SEMA3A: variants seen among roughly 807,000 people sequenced by gnomAD.
The protein encoded by SEMA3A is semaphorin-3A.
A neutral mutation model predicts 97.9 loss-of-function variants in SEMA3A; 29 were observed. That is an observed-to-expected ratio of 0.30 (90% CI 0.22 to 0.40). The LOEUF is 0.40. SEMA3A is among the 10% of genes least tolerant of loss of function. SEMA3A has a pLI of 1.00. For synonymous variants in SEMA3A, 321 were observed against 323.7 expected (o/e 0.99, Z 0.09); for missense variants, 763 against 951.3 (o/e 0.80, Z 2.60).
intron 1 of SEMA3A, among the ~76,000 whole-genome samples, chr7:84,405,080 A>T (rs1804037840): frequency 6.6e-6 from 1 of 152,214 alleles, no homozygotes; most frequent in Non-Finnish European, 1.5e-5. Flanking sequence ...AAATGCTCCA[A>T]TTAAAAGGCA....
intron 3 of SEMA3A, among the ~76,000 whole-genome samples, chr7:84,298,735 T>G (rs1385183813): frequency 6.6e-6 from 1 of 152,196 alleles, no homozygotes; most frequent in Admixed American, 6.5e-5. Flanking sequence ...GAGGGTCAAC[T>G]TGATTGGCTT....
intron 3 of SEMA3A, among the ~76,000 whole-genome samples, chr7:84,205,474 A>G (rs1482647419): frequency 6.6e-6 from 1 of 152,216 alleles, no homozygotes; most frequent in East Asian, 1.9e-4. Context: ...AGTTTCTCAG[A>G]TCTGCAAATA....
chr7:84,338,848 G>C (rs942243639), intron 2 of SEMA3A, among the ~76,000 whole-genome samples: 3 of 152,178 alleles, frequency 2.0e-5, no homozygotes, highest in African/African-American at 4.8e-5. Flanking sequence ...AAAGTTTTAA[G>C]TATTAAGTGA....
intron 5 of SEMA3A, among the ~76,000 whole-genome samples, chr7:84,059,055 C>A (rs1793110749): frequency 6.6e-6 from 1 of 152,054 alleles, no homozygotes; most frequent in African/African-American, 2.4e-5. Context: ...TTAAGGAATA[C>A]CTATCCTTTT....
chr7:84,430,726 C>A (rs190925585), intron 1 of SEMA3A, among the ~76,000 whole-genome samples: 12 of 151,770 alleles, frequency 7.9e-5, no homozygotes, highest in Admixed American at 2.6e-4. Context: ...AATATAAGTT[C>A]AAGGTGAAGA....
intron 2 of SEMA3A, among the ~76,000 whole-genome samples, chr7:84,361,549 A>G (rs569415093): frequency 1.3e-5 from 2 of 152,130 alleles, no homozygotes; most frequent in Non-Finnish European, 2.9e-5. Flanking sequence ...ATATAAAGCA[A>G]TATTCTATTG....
At chr7:84,180,654 G>C (rs1986177) in intron 1 of SEMA3A, among the ~76,000 whole-genome samples, 97,427 of 151,950 alleles carry the variant, frequency 0.64, 31,478 homozygotes, top group East Asian at 0.76. Context: ...TGCCACTGCA[G>C]TCCAGCCTGG....
chr7:84,004,381 A>C (rs1299026540), intron 11 of SEMA3A, among the ~76,000 whole-genome samples: 1 of 152,164 alleles, frequency 6.6e-6, no homozygotes, highest in Non-Finnish European at 1.5e-5. Flanking sequence ...GTCCATAGAA[A>C]TGTATCTAAG....
Position 84,051,049 on chromosome 7 carries a change from G to T in SEMA3A, c.548-4606C>A, listed in dbSNP as rs536630255. Among the ~76,000 whole-genome samples, 3 of 151,792 alleles carry T rather than the reference G, an allele frequency of 2.0e-5. No homozygotes were observed. In the East Asian group the frequency reaches 5.8e-4, roughly 29 times the overall value. ...ATGTGGCATTATTTCGGAGGGCTCTGTTCTGTTCCATTGATCTATATCTCT... is the reference window on the plus strand; with the variant it reads ...ATGTGGCATTATTTCGGAGGGCTCTTTTCTGTTCCATTGATCTATATCTCT... On this transcript the variant is annotated intron_variant, in intron 5 of 16. Transcript: ENST00000265362.
At chr7:84,356,183 A>AT (rs879548854) in intron 2 of SEMA3A, among the ~76,000 whole-genome samples, 120 of 151,958 alleles carry the variant, frequency 7.9e-4, no homozygotes, top group Non-Finnish European at 1.5e-3. Flanking sequence ...TTATTTTGAA[A>AT]TTTTTTGGAA....
intron 1 of SEMA3A, among the ~76,000 whole-genome samples, chr7:84,441,535 C>T (rs1209590890): frequency 2.0e-5 from 3 of 151,736 alleles, no homozygotes; most frequent in Non-Finnish European, 2.9e-5. Context: ...AAAAACTGAA[C>T]AATGCCTTAG....
intron 1 of SEMA3A, among the ~76,000 whole-genome samples, chr7:84,172,122 T>G (rs897435246): frequency 7.2e-5 from 11 of 152,204 alleles, no homozygotes; most frequent in Non-Finnish European, 1.5e-4. Flanking sequence ...GTCATTAGTA[T>G]TAAATAGACC....
At chr7:84,158,148 CTTTT>C (rs1187182577) in intron 1 of SEMA3A, among the ~76,000 whole-genome samples, 4,088 of 81,794 alleles carry the variant, frequency 0.05, 53 homozygotes, top group African/African-American at 0.13. Flanking sequence ...ACAGCTAATT[CTTTT>C]TTTTTTTTTT....
At chr7:84,429,519 TATATATATATATATATATATATA>T (rs1804915963) in intron 1 of SEMA3A, among the ~76,000 whole-genome samples, 1 of 91,408 alleles carries the variant, frequency 1.1e-5, no homozygotes, top group Non-Finnish European at 2.2e-5. Flanking sequence ...GAGTTTGTTA[TATATATATATATATATATATATA>T]TATATAGCGA....
chr7:84,358,707 A>G (rs1345740170), intron 2 of SEMA3A, among the ~76,000 whole-genome samples: 1 of 152,092 alleles, frequency 6.6e-6, no homozygotes, highest in Non-Finnish European at 1.5e-5. Context: ...GATGGCATTG[A>G]ATCTATAAAT....
chr7:84,442,667 A>G (rs1198894044), intron 1 of SEMA3A, among the ~76,000 whole-genome samples: 4 of 150,836 alleles, frequency 2.7e-5, no homozygotes, highest in Non-Finnish European at 5.9e-5. Flanking sequence ...AAAATTAAAA[A>G]GATAGCAGAA....
chr7:84,477,188 C>T (rs976775157), intron 1 of SEMA3A, among the ~76,000 whole-genome samples: 43 of 150,226 alleles, frequency 2.9e-4, no homozygotes, highest in Admixed American at 1.4e-3. Context: ...CCTGTAATCC[C>T]AGCACTTTGG....
chr7:84,011,900 C>CA, intron 7 of SEMA3A, among the ~76,000 whole-genome samples: 1 of 152,088 alleles, frequency 6.6e-6, no homozygotes, highest in African/African-American at 2.4e-5. Context: ...AGTTTAAAAG[C>CA]AAAAATCAAG....
intron 4 of SEMA3A, among the ~76,000 whole-genome samples, chr7:84,068,810 A>T (rs1793637787): frequency 6.6e-6 from 1 of 152,058 alleles, no homozygotes; most frequent in African/African-American, 2.4e-5. Context: ...ATAGGAAGAG[A>T]GGTTAAGCAT....
Sources: allele counts gnomAD v4.1 joint callset (sites outside exome capture counted in the v4.1 genomes callset), GRCh38; gene constraint gnomAD v4.1.1; transcripts MANE v1.5; gene names NCBI Gene and HGNC (gene_info 2026-07-23, HGNC 2026-07-21).